STOX1: variants seen among roughly 807,000 people sequenced by gnomAD.
STOX1 encodes storkhead box 1.
In STOX1, 57 loss-of-function variants were observed where a neutral mutation model predicts 74.8. That is an observed-to-expected ratio of 0.76 (90% CI 0.62 to 0.95). The LOEUF is 0.95. STOX1 is among the 40% of genes least tolerant of loss of function. STOX1 has a pLI of 0.00. For missense variants in STOX1, 1,010 were observed against 1,117.0 expected, an observed-to-expected ratio of 0.90 and a Z score of 1.37; for synonymous variants, 375 against 401.3, an observed-to-expected ratio of 0.93 and a Z score of 0.78.
chr10:68,838,115 G>A lies in STOX1; in HGVS notation c.310+10182G>A, dbSNP rs145272865. Among the ~76,000 whole-genome samples the A allele has an allele frequency of 6.6e-3, 1,002 of 150,912 alleles. 8 individuals carry two copies. The highest frequency in any genetic ancestry group is 0.023 in the African/African-American group (961 of 41,040). On this transcript the variant is annotated intron_variant, in intron 1 of 3. Coordinates refer to ENST00000298596, the MANE Select transcript of STOX1 (RefSeq NM_152709.5). The stretch of plus-strand genomic sequence containing the variant: ...AGGGTCTGGCTCTGTTGCCCAGGCT[G>A]GAGTGTCGTGGTGTGATCATGGCTC...
Position 68,884,696 on chromosome 10 carries a change from A to G in STOX1, c.900A>G (p.Pro300=), listed in dbSNP as rs760345108. The change falls in exon 3 of 4, where the codon CCA becomes CCG. Residue 300 remains proline, a synonymous_variant. Transcript: ENST00000298596. ...HHICESTKPL[P]YTRDKEKGKK... is the part of the protein sequence containing the mutation. ...TTTGTGAGAGCACCAAACCTTTACCATACACAAGAGATAAAGAAAAAGGCA... is the reference window on the plus strand; with the variant it reads ...TTTGTGAGAGCACCAAACCTTTACCGTACACAAGAGATAAAGAAAAAGGCA... 3.1e-6 allele frequency: 5 copies of G among 1,614,182 alleles called. No individual in the cohort carries two copies. The highest frequency in any genetic ancestry group is 4.2e-6 in the Non-Finnish European group (5 of 1,180,034).
intron 1 of STOX1, among the ~76,000 whole-genome samples, chr10:68,870,320 A>C (rs1332832644): frequency 2.4e-4 from 37 of 152,130 alleles, no homozygotes; most frequent in Admixed American, 2.4e-3. Context: ...AATCTGTTCC[A>C]GGTTTCCTGG....
At chr10:68,855,604 T>A (rs1226698581) in intron 1 of STOX1, among the ~76,000 whole-genome samples, 1 of 151,706 alleles carries the variant, frequency 6.6e-6, no homozygotes, top group Non-Finnish European at 1.5e-5. Context: ...GCCAGGCTAA[T>A]TTTTAAATTT....
intron 1 of STOX1, among the ~76,000 whole-genome samples, chr10:68,843,692 G>A (rs1339056535): frequency 2.0e-5 from 3 of 151,976 alleles, no homozygotes; most frequent in Non-Finnish European, 4.4e-5. Context: ...AAAGTAGTTG[G>A]GATTACAGGT....
intron 1 of STOX1, among the ~76,000 whole-genome samples, chr10:68,843,477 A>C (rs968189348): frequency 1.3e-5 from 2 of 152,172 alleles, no homozygotes; most frequent in Non-Finnish European, 2.9e-5. Context: ...TCGTGCCATC[A>C]ATGTATGAGA....
chr10:68,842,536 C>CT (rs11332701), intron 1 of STOX1, among the ~76,000 whole-genome samples: 263 of 71,826 alleles, frequency 3.7e-3, no homozygotes, highest in African/African-American at 4.4e-3. Flanking sequence ...TGTACCATTT[C>CT]TTTTTTTTTT....
chr10:68,884,114 C>T (rs1840875688), intron 2 of STOX1, 146 bp from the exon 3 acceptor site: 2 of 753,490 alleles, frequency 2.7e-6, no homozygotes, highest in East Asian at 2.7e-5. Flanking sequence ...CCATCACACC[C>T]ATCCCTGGCA....
Position 68,886,339 on chromosome 10 carries a change from CACCTGCTGATG to C in STOX1, c.2545_2555del (p.Pro849LysfsTer4). The C allele has an allele frequency of 6.2e-7, 1 of 1,614,192 alleles. No homozygotes were observed. The highest frequency in any genetic ancestry group is 8.5e-7 in the Non-Finnish European group (1 of 1,180,032). On this transcript the variant is annotated frameshift_variant, in exon 3 of 4. Coordinates refer to ENST00000298596, the MANE Select transcript of STOX1 (RefSeq NM_152709.5). LOFTEE classifies it high-confidence loss of function. ...GTTGCTAAATGTGTACAGGCCTCAGCACCTGCTGATGAAAGAATCTTTGATTACTATAGCGC... is the reference window on the plus strand; with the variant it reads ...GTTGCTAAATGTGTACAGGCCTCAGCAAAGAATCTTTGATTACTATAGCGC...
At chr10:68,888,802 ATT>A (rs35174437) in intron 3 of STOX1, among the ~76,000 whole-genome samples, 1,589 of 31,642 alleles carry the variant, frequency 0.05, no homozygotes, top group Middle Eastern at 0.11. Context: ...TGCCCAGCTA[ATT>A]TTTTTTTTTT....
intron 1 of STOX1, among the ~76,000 whole-genome samples, chr10:68,832,737 C>T (rs180761503): frequency 5.6e-4 from 85 of 151,012 alleles, no homozygotes; most frequent in African/African-American, 2.0e-3. Flanking sequence ...CATTCATGAG[C>T]CAGGTACTGT....
At chr10:68,865,165 T>TGCCCTA (rs1840371191) in intron 1 of STOX1, among the ~76,000 whole-genome samples, 3 of 152,250 alleles carry the variant, frequency 2.0e-5, no homozygotes, top group Non-Finnish European at 4.4e-5. Flanking sequence ...ACGAGTAGGT[T>TGCCCTA]CAATTGCTTG....
intron 3 of STOX1, among the ~76,000 whole-genome samples, chr10:68,891,648 A>C (rs1841100554): frequency 1.3e-5 from 2 of 151,988 alleles, no homozygotes; most frequent in South Asian, 4.2e-4. Flanking sequence ...CTAAAAATAC[A>C]AAAATTAGCC....
intron 1 of STOX1, among the ~76,000 whole-genome samples, chr10:68,875,247 C>T (rs1304191082): frequency 6.6e-6 from 1 of 152,206 alleles, no homozygotes; most frequent in Non-Finnish European, 1.5e-5. Flanking sequence ...GGCCCATGTG[C>T]TGACGCCAAC....
intron 1 of STOX1, among the ~76,000 whole-genome samples, chr10:68,859,314 T>C (rs892093841): frequency 6.6e-6 from 1 of 152,130 alleles, no homozygotes; most frequent in Non-Finnish European, 1.5e-5. Flanking sequence ...ACAGTTCTTA[T>C]CTTCCCCTCT....
At chr10:68,880,244 GCA>G (rs1363998505) in intron 1 of STOX1, among the ~76,000 whole-genome samples, 1 of 149,042 alleles carries the variant, frequency 6.7e-6, no homozygotes, top group Non-Finnish European at 1.5e-5. Context: ...GTGCAATGGT[GCA>G]GTCATAGCTC....
intron 1 of STOX1, among the ~76,000 whole-genome samples, chr10:68,835,949 G>GA (rs1179841690): frequency 1.3e-5 from 2 of 151,986 alleles, no homozygotes; most frequent in Non-Finnish European, 2.9e-5. Flanking sequence ...TCGGCTCACT[G>GA]AAACCTCCTC....
At chr10:68,859,069 A>G (rs1451483700) in intron 1 of STOX1, among the ~76,000 whole-genome samples, 2 of 152,084 alleles carry the variant, frequency 1.3e-5, no homozygotes, top group East Asian at 1.9e-4. Context: ...GGGGACTCAC[A>G]GCAACTTTCT....
At chr10:68,873,284 G>A (rs1190205388) in intron 1 of STOX1, among the ~76,000 whole-genome samples, 5 of 122,052 alleles carry the variant, frequency 4.1e-5, no homozygotes, top group African/African-American at 1.2e-4. Context: ...TTTTTGAGAC[G>A]GAGTCTCGCT....
chr10:68,866,927 T>C (rs1840421882), intron 1 of STOX1, among the ~76,000 whole-genome samples: 1 of 150,106 alleles, frequency 6.7e-6, no homozygotes, highest in Non-Finnish European at 1.5e-5. Flanking sequence ...TGACACTGAT[T>C]GGACCAATGC....
Sources: gnomAD v4.1 joint callset for allele counts (sites outside exome capture counted in the v4.1 genomes callset) on GRCh38, gnomAD v4.1.1 for gene constraint, MANE v1.5 for transcripts, NCBI Gene and HGNC (gene_info 2026-07-23, HGNC 2026-07-21) for gene names.